The following FER variants were observed in gnomAD, a reference collection of about 807,000 sequenced individuals.
FER encodes FER tyrosine kinase, also known as tyrosine-protein kinase Fer.
A neutral mutation model predicts 111.0 loss-of-function variants in FER; 63 were observed. The ratio of observed to expected loss-of-function variants is 0.57; its 90% CI spans 0.46 to 0.70. The LOEUF (loss-of-function observed/expected upper bound fraction) is 0.70. Ranked by LOEUF, FER falls within the 30% of genes least tolerant of loss-of-function variation. The pLI, the probability that FER is intolerant of heterozygous loss-of-function variation, is 0.00. For synonymous variants in FER, 327 were observed against 313.9 expected, an observed-to-expected ratio of 1.04 and a Z score of -0.44; for missense variants, 914 against 954.0, an observed-to-expected ratio of 0.96 and a Z score of 0.55.
intron 17 of FER, among the ~76,000 whole-genome samples, chr5:109,175,682 T>C (rs1757602386): frequency 6.6e-6 from 1 of 152,062 alleles, no homozygotes; most frequent in South Asian, 2.1e-4. Context: ...TGGAAGAAAA[T>C]ATTTGCAAAC....
intron 16 of FER, among the ~76,000 whole-genome samples, chr5:109,091,275 G>A (rs1410777786): frequency 6.6e-6 from 1 of 152,166 alleles, no homozygotes; most frequent in African/African-American, 2.4e-5. Context: ...TGTTTTCCAG[G>A]GATGCTTCAA....
intron 13 of FER, among the ~76,000 whole-genome samples, chr5:109,026,222 ACAAG>A (rs1768712966): frequency 6.6e-6 from 1 of 152,214 alleles, no homozygotes; most frequent in Non-Finnish European, 1.5e-5. Flanking sequence ...TTATACACAT[ACAAG>A]AACTATTTTA....
At chr5:108,827,053 T>G (rs1172335971) in intron 3 of FER, among the ~76,000 whole-genome samples, 1 of 152,156 alleles carries the variant, frequency 6.6e-6, no homozygotes, top group Non-Finnish European at 1.5e-5. Context: ...GCTTTGCACT[T>G]TATTAGAGGT....
chr5:108,904,645 G>A (rs1205825429), intron 10 of FER, among the ~76,000 whole-genome samples: 3 of 152,086 alleles, frequency 2.0e-5, no homozygotes, highest in Non-Finnish European at 4.4e-5. Flanking sequence ...TCAATTTTTT[G>A]TTGTAAATAC....
intron 17 of FER, among the ~76,000 whole-genome samples, chr5:109,102,527 T>G (rs1434109612): frequency 6.6e-6 from 1 of 152,202 alleles, no homozygotes; most frequent in African/African-American, 2.4e-5. Context: ...ACGCCCCAAA[T>G]TTGTCATCCT....
intron 16 of FER, among the ~76,000 whole-genome samples, chr5:109,084,883 CTA>C (rs1248540738): frequency 6.6e-6 from 1 of 151,818 alleles, no homozygotes; most frequent in Non-Finnish European, 1.5e-5. Context: ...GCTTCGGTGT[CTA>C]TGTTATAAAT....
Sources: gnomAD v4.1 joint callset for allele counts (sites outside exome capture counted in the v4.1 genomes callset) on GRCh38, gnomAD v4.1.1 for gene constraint, MANE v1.5 for transcripts, NCBI Gene and HGNC (gene_info 2026-07-23, HGNC 2026-07-21) for gene names.